Variants in ZNF780B observed in about 807,000 individuals in gnomAD.
ZNF780B encodes the protein zinc finger protein 780B, also known as zinc finger protein 779.
A neutral mutation model predicts 74.1 loss-of-function variants in ZNF780B; 52 were observed. That is an observed-to-expected ratio of 0.70 (90% CI 0.56 to 0.88). The LOEUF (loss-of-function observed/expected upper bound fraction) is 0.88. Ranked by LOEUF, ZNF780B falls within the 40% of genes least tolerant of loss-of-function variation. The pLI is 0.00. For synonymous variants in ZNF780B, 315 were observed against 324.3 expected (o/e 0.97, Z 0.31); for missense variants, 953 against 1,007.6 (o/e 0.95, Z 0.73).
chr19:40,040,068 A>C (rs562698342), intron 4 of ZNF780B, among the ~76,000 whole-genome samples: 39 of 152,246 alleles, frequency 2.6e-4, no homozygotes, highest in African/African-American at 9.4e-4. Flanking sequence ...AGCTCTTATT[A>C]TTTTGAGATA....
intron 4 of ZNF780B, among the ~76,000 whole-genome samples, chr19:40,044,845 A>C (rs1972859629): frequency 6.6e-6 from 1 of 152,240 alleles, no homozygotes; most frequent in Admixed American, 6.5e-5. Flanking sequence ...CAGCCCTCAC[A>C]TATCAGTAAT....
chr19:40,046,572 C>T (rs1018415487), intron 4 of ZNF780B, among the ~76,000 whole-genome samples: 7 of 152,314 alleles, frequency 4.6e-5, no homozygotes, highest in Admixed American at 2.6e-4. Flanking sequence ...ACACTTACTT[C>T]ACATCTCTAT....
Position 40,028,383 on chromosome 19 carries a change from G to A in ZNF780B, c.*5974C>T, listed in dbSNP as rs1180860225. 3 of 152,020 alleles carry A rather than the reference G, an allele frequency of 2.0e-5. No homozygotes were observed. The highest frequency in any genetic ancestry group is 4.4e-5 in the Non-Finnish European group (3 of 68,016). 9.4% of individuals were successfully genotyped at this position (152,020 alleles called of 1,614,324 possible). ...TAGCATTTTCTGTCATCTCATTCTG[G>A]AGAATCATAGATGTGGCAGAAATAC... On this transcript the variant is annotated 3_prime_UTR_variant, in exon 5 of 5. Transcript: ENST00000434248.
Position 40,035,186 on chromosome 19 carries a change from T to A in ZNF780B, c.1673A>T (p.Glu558Val). 6.2e-7 allele frequency: 1 copy of A among 1,614,054 alleles called. No individual in the cohort carries two copies. Among genetic ancestry groups the A allele is most frequent in the East Asian group, 2.2e-5 (1 of 44,850 alleles). Reference protein sequence around the residue: ...EKTHTGEKPFECKECGKFFRR... With the variant: ...EKTHTGEKPFVCKECGKFFRR... ...AAAGAATTTCCCACATTCCTTACATTCAAAGGGTTTCTCACCTGTATGAGT... is the reference window on the plus strand; with the variant it reads ...AAAGAATTTCCCACATTCCTTACATACAAAGGGTTTCTCACCTGTATGAGT... Residue 558 changes from glutamate (E) to valine (V), a missense_variant, in exon 5 of 5, where the codon GAA (glutamate) becomes GTA (valine). Transcript: ENST00000434248.
chr19:40,047,173 A>G (rs1398064061), intron 4 of ZNF780B: 7 of 510,950 alleles, frequency 1.4e-5, no homozygotes, highest in Non-Finnish European at 2.1e-5. Flanking sequence ...TTAGGTGATT[A>G]GTAAATGATG....
At chr19:40,040,764 T>C (rs528606958) in intron 4 of ZNF780B, among the ~76,000 whole-genome samples, 1 of 152,236 alleles carries the variant, frequency 6.6e-6, no homozygotes, top group Non-Finnish European at 1.5e-5. Flanking sequence ...ATATCCCCTT[T>C]ATCATTTTTT....
rs577593054 is a variant in ZNF780B, at chr19:40,050,536, C to G, written c.-45-159G>C. Among the ~76,000 whole-genome samples, 4 of 152,378 alleles carry G rather than the reference C, an allele frequency of 2.6e-5. No individual in the cohort carries two copies. In the South Asian group the frequency reaches 8.3e-4, roughly 32 times the overall value. ...CACTCCCTTTTTCCCTACACACACT[C>G]TCACAAATAAACTGGCAGTGAACAG... On this transcript the variant is annotated intron_variant, in intron 1 of 4. Transcript: ENST00000434248.
At chr19:40,038,372 C>T (rs1487897971) in intron 4 of ZNF780B, among the ~76,000 whole-genome samples, 2 of 152,140 alleles carry the variant, frequency 1.3e-5, no homozygotes, top group South Asian at 2.1e-4. Context: ...CCGCAATAAA[C>T]ATACGTGTGC....
Position 40,035,730 on chromosome 19 carries a change from T to C in ZNF780B, c.1129A>G (p.Asn377Asp). ...GKAFSLLNQL[N>D]RHKNIHTGEK... ...CCTGTGTGAATATTCTTATGGCGAT[T>C]AAGCTGATTGAGGAGACTAAAGGCC... Residue 377 changes from asparagine to aspartate, a missense_variant, in exon 5 of 5, where the codon AAT (asparagine) becomes GAT (aspartate). Asn to Asp is a conservative substitution (Grantham distance 23). Transcript: ENST00000434248. 6.2e-7 allele frequency: 1 copy of C among 1,614,134 alleles called. No individual in the cohort carries two copies. Among genetic ancestry groups the C allele is most frequent in the East Asian group, 2.2e-5 (1 of 44,868 alleles).
At chr19:40,056,034 GC>G (rs1973485551) in intron 1 of ZNF780B, 154 bp downstream of exon 1, 1 of 152,838 alleles carries the variant, frequency 6.5e-6, no homozygotes, top group Non-Finnish European at 1.5e-5. Flanking sequence ...GCACACGCAC[GC>G]CTAAGGATCT....
intron 1 of ZNF780B, among the ~76,000 whole-genome samples, chr19:40,051,312 G>A (rs777762621): frequency 2.0e-5 from 3 of 151,360 alleles, no homozygotes; most frequent in South Asian, 2.1e-4. Context: ...TTTTTCTTGC[G>A]AGGAAATTGT....
chr19:40,044,082 A>G (rs1972812348), intron 4 of ZNF780B, among the ~76,000 whole-genome samples: 1 of 152,226 alleles, frequency 6.6e-6, no homozygotes. Context: ...GCCTTAGGAT[A>G]AATGTTTTCC....
chr19:40,034,681 T>C lies in ZNF780B; in HGVS notation c.2178A>G (p.Glu726=). ...CAAAGGCCTTTCCGCATTCTTTACA[T>C]TCAAAGGGTTTCTCACCAGTATGAA... is the stretch of plus-strand genomic sequence containing the variant. ...YRIHTGEKPF[E]CKECGKAFGL... The change falls in exon 5 of 5, where the codon GAA becomes GAG. Residue 726 remains glutamate, a synonymous_variant. Transcript: ENST00000434248. 1 of 1,614,126 alleles carries C rather than the reference T, an allele frequency of 6.2e-7. No homozygotes were observed. The highest frequency in any genetic ancestry group is 1.1e-5 in the South Asian group (1 of 91,074).
intron 4 of ZNF780B, among the ~76,000 whole-genome samples, chr19:40,037,589 T>A (rs1972399525): frequency 6.6e-6 from 1 of 152,210 alleles, no homozygotes; most frequent in Non-Finnish European, 1.5e-5. Flanking sequence ...GCTGTATTTT[T>A]AATATCTCTA....
chr19:40,041,427 T>C (rs911422618), intron 4 of ZNF780B, among the ~76,000 whole-genome samples: 15 of 152,248 alleles, frequency 9.9e-5, no homozygotes, highest in Non-Finnish European at 1.9e-4. Context: ...TAGGTCTGCT[T>C]GGTGCAGAGC....
chr19:40,049,952 C>T (rs1973130422), intron 2 of ZNF780B, among the ~76,000 whole-genome samples: 1 of 152,070 alleles, frequency 6.6e-6, no homozygotes, highest in Non-Finnish European at 1.5e-5. Flanking sequence ...AATCCCAGCA[C>T]TGTGGGAGGC....
chr19:40,045,722 T>TCC (rs1972904825), intron 4 of ZNF780B, among the ~76,000 whole-genome samples: 1 of 152,184 alleles, frequency 6.6e-6, no homozygotes, highest in Admixed American at 6.5e-5. Flanking sequence ...GCGCAGTGGC[T>TCC]CACACCTGTA....
intron 4 of ZNF780B, among the ~76,000 whole-genome samples, chr19:40,039,126 A>C (rs1367376072): frequency 1.3e-5 from 2 of 151,376 alleles, no homozygotes; most frequent in Non-Finnish European, 3.0e-5. Context: ...AGCTTTCTAC[A>C]TATGGCTAGC....
intron 4 of ZNF780B, among the ~76,000 whole-genome samples, chr19:40,039,539 C>T (rs1430255019): frequency 2.0e-5 from 3 of 151,686 alleles, no homozygotes; most frequent in South Asian, 2.1e-4. Flanking sequence ...TCTTCCTACC[C>T]ATGAGCATGG....
Sources: gnomAD v4.1 joint callset for allele counts (sites outside exome capture counted in the v4.1 genomes callset) on GRCh38, gnomAD v4.1.1 for gene constraint, MANE v1.5 for transcripts, NCBI Gene and HGNC (gene_info 2026-07-23, HGNC 2026-07-21) for gene names.